The following C3orf33 variants were observed in gnomAD, a reference collection of about 807,000 sequenced individuals.
C3orf33 encodes mitochondrial inner membrane subdomain organizer 1.
C3orf33 carries 23 observed loss-of-function variants against 28.7 expected under a neutral mutation model. The observed-to-expected ratio is 0.80, with a 90% CI of 0.58 to 1.13. The LOEUF (loss-of-function observed/expected upper bound fraction) is 1.13. Ranked by LOEUF, C3orf33 falls within the 50% of genes most tolerant of loss-of-function variation. The pLI, the probability that C3orf33 is intolerant of heterozygous loss-of-function variation, is 0.00. For missense variants in C3orf33, 327 were observed against 353.4 expected, an observed-to-expected ratio of 0.93 and a Z score of 0.60; for synonymous variants, 119 against 120.5, an observed-to-expected ratio of 0.99 and a Z score of 0.08.
chr3:155,803,898 C>G (rs866579663), intron 1 of C3orf33, among the ~76,000 whole-genome samples: 2 of 142,844 alleles, frequency 1.4e-5, no homozygotes, highest in East Asian at 4.2e-4. Context: ...AAAAAGAGGC[C>G]GGCGCAGTGG....
chr3:155,791,026 C>T (rs138453636), intron 2 of C3orf33, among the ~76,000 whole-genome samples: 1 of 152,268 alleles, frequency 6.6e-6, no homozygotes, highest in Non-Finnish European at 1.5e-5. Context: ...CTCTCCTAAC[C>T]CCAGGTAGCA....
chr3:155,763,756 A>G lies in C3orf33; in HGVS notation c.646T>C (p.Trp216Arg), dbSNP rs993232711. 4.9e-5 allele frequency: 79 copies of G among 1,605,706 alleles called. No homozygotes were observed. Among genetic ancestry groups the G allele is most frequent in the Non-Finnish European group, 6.6e-5 (78 of 1,177,632 alleles). Residue 216 changes from tryptophan (W) to arginine (R), a missense_variant, in exon 5 of 5, where the codon TGG becomes CGG. Trp to Arg is a moderately radical substitution (Grantham distance 101, BLOSUM62 -3). Transcript: ENST00000340171. ...LTALKKGEGI[W>R]KEDSEKESYL... Reference sequence around the variant, plus strand: ...CTTTCTTTTTCAGAGTCTTCCTTCCATATTCCTTCTCCTTTTTTTAAGGCT... The same window carrying G: ...CTTTCTTTTTCAGAGTCTTCCTTCCGTATTCCTTCTCCTTTTTTTAAGGCT...
chr3:155,768,816 G>T (rs1750489746), intron 3 of C3orf33, among the ~76,000 whole-genome samples: 1 of 152,182 alleles, frequency 6.6e-6, no homozygotes, highest in African/African-American at 2.4e-5. Context: ...AGTTTGAGAA[G>T]CACCAAAAGC....
At chr3:155,774,946 T>C (rs1750695472) in intron 3 of C3orf33, among the ~76,000 whole-genome samples, 1 of 152,178 alleles carries the variant, frequency 6.6e-6, no homozygotes, top group African/African-American at 2.4e-5. Context: ...CTCTGACTAC[T>C]CTATATGTAT....
At chr3:155,771,678 T>G (rs1750597603) in intron 3 of C3orf33, among the ~76,000 whole-genome samples, 1 of 152,250 alleles carries the variant, frequency 6.6e-6, no homozygotes, top group Non-Finnish European at 1.5e-5. Context: ...AATACAGGCA[T>G]GAGCCACCAC....
chr3:155,770,978 G>GTGTGTGTGTGTT (rs1240333639), intron 3 of C3orf33, among the ~76,000 whole-genome samples: 2 of 147,390 alleles, frequency 1.4e-5, no homozygotes, highest in Non-Finnish European at 3.0e-5. Context: ...GTGTGTGTGT[G>GTGTGTGTGTGTT]TGTGTGTGTG....
At chr3:155,783,615 C>T (rs113705020) in intron 2 of C3orf33, among the ~76,000 whole-genome samples, 4,040 of 151,284 alleles carry the variant, frequency 0.027, 192 homozygotes, top group African/African-American at 0.09. Flanking sequence ...TACAGGCACA[C>T]GCTGCCACGC....
chr3:155,775,996 A>G, intron 2 of C3orf33, 148 bp from the exon 3 acceptor site: 2 of 571,292 alleles, frequency 3.5e-6, no homozygotes, highest in South Asian at 5.1e-5. Context: ...CTTTAATATG[A>G]TTTAATCAAA....
At chr3:155,787,673 T>A (rs1207331715) in intron 2 of C3orf33, among the ~76,000 whole-genome samples, 1 of 151,240 alleles carries the variant, frequency 6.6e-6, no homozygotes, top group Non-Finnish European at 1.5e-5. Flanking sequence ...TAATTTGTTT[T>A]ATCTATTTAT....
intron 2 of C3orf33, among the ~76,000 whole-genome samples, chr3:155,783,738 A>G (rs1190026911): frequency 6.6e-6 from 1 of 152,184 alleles, no homozygotes; most frequent in Non-Finnish European, 1.5e-5. Context: ...AAGTGCTAGC[A>G]TTACAGGCAT....
chr3:155,792,791 G>GCTCT (rs958779097), intron 2 of C3orf33, among the ~76,000 whole-genome samples: 2 of 151,736 alleles, frequency 1.3e-5, no homozygotes, highest in African/African-American at 4.8e-5. Context: ...CACAGTCAGA[G>GCTCT]GAGAAAAAAA....
At chr3:155,786,239 C>T (rs1475509700) in intron 2 of C3orf33, among the ~76,000 whole-genome samples, 5 of 151,374 alleles carry the variant, frequency 3.3e-5, no homozygotes, top group African/African-American at 1.2e-4. Context: ...ACACTAAACC[C>T]AAAGCTAGCA....
intron 1 of C3orf33, chr3:155,805,841 C>T (rs1751793307): frequency 5.9e-6 from 3 of 507,018 alleles, no homozygotes; most frequent in Admixed American, 3.0e-5. Context: ...TCTAATGGAC[C>T]AGGTGGCATC....
chr3:155,789,427 C>T (rs191741574), intron 2 of C3orf33, among the ~76,000 whole-genome samples: 466 of 151,068 alleles, frequency 3.1e-3, no homozygotes, highest in Non-Finnish European at 5.4e-3. Context: ...CAGTGAAAGA[C>T]GCATACAATA....
intron 1 of C3orf33, 109 bp from the exon 2 acceptor site, chr3:155,802,700 G>A: frequency 1.3e-6 from 1 of 758,970 alleles, no homozygotes; most frequent in South Asian, 1.7e-5. Context: ...TATCTAATGT[G>A]TATAAACAAT....
intron 2 of C3orf33, among the ~76,000 whole-genome samples, chr3:155,788,085 G>A (rs1321642556): frequency 6.6e-6 from 1 of 151,882 alleles, no homozygotes; most frequent in Non-Finnish European, 1.5e-5. Context: ...CAGCTACTGG[G>A]GAGGCTGAGC....
chr3:155,802,468 T>G (rs1240715832), intron 2 of C3orf33, 64 bp downstream of exon 2: 8 of 1,216,886 alleles, frequency 6.6e-6, no homozygotes, highest in Non-Finnish European at 9.7e-6. Context: ...GAGATAAAAA[T>G]TGTCTGAAAT....
At chr3:155,795,317 G>A (rs747042573) in intron 2 of C3orf33, among the ~76,000 whole-genome samples, 199 of 152,080 alleles carry the variant, frequency 1.3e-3, no homozygotes, top group Non-Finnish European at 6.6e-4. Context: ...TTAGCCAGAC[G>A]TGGTGGTGCA....
chr3:155,805,718 G>T (rs746934760), intron 1 of C3orf33: 1 of 448,046 alleles, frequency 2.2e-6, no homozygotes, highest in South Asian at 1.6e-5. Context: ...GAGGAATACC[G>T]TGTCCCTAAA....
Sources: gnomAD v4.1 joint callset for allele counts (sites outside exome capture counted in the v4.1 genomes callset) on GRCh38, gnomAD v4.1.1 for gene constraint, MANE v1.5 for transcripts, NCBI Gene and HGNC (gene_info 2026-07-23, HGNC 2026-07-21) for gene names.